The following AFG1L variants were observed in gnomAD, a reference collection of about 807,000 sequenced individuals.
AFG1L encodes the protein AFG1-like ATPase.
Under a neutral mutation model 62.2 loss-of-function variants are expected in AFG1L, and 53 were observed. The ratio of observed to expected loss-of-function variants is 0.85; its 90% CI spans 0.68 to 1.07. The LOEUF is 1.07. Ranked by LOEUF, AFG1L falls within the 50% of genes least tolerant of loss-of-function variation. AFG1L has a pLI of 0.00. For synonymous variants in AFG1L, 228 were observed against 210.3 expected (o/e 1.08, Z -0.73); for missense variants, 555 against 590.5 (o/e 0.94, Z 0.62).
chr6:108,299,783 G>GAGAAA (rs972216554), intron 1 of AFG1L, among the ~76,000 whole-genome samples: 20 of 152,010 alleles, frequency 1.3e-4, no homozygotes, highest in African/African-American at 4.3e-4. Context: ...AAAAATAGAA[G>GAGAAA]AGAAAAGAAA....
chr6:108,472,143 C>A (rs1374816183), intron 8 of AFG1L, among the ~76,000 whole-genome samples: 1 of 151,946 alleles, frequency 6.6e-6, no homozygotes, highest in Non-Finnish European at 1.5e-5. Context: ...CTAAAAAAGT[C>A]AAATACTTAG....
intron 10 of AFG1L, among the ~76,000 whole-genome samples, chr6:108,502,326 C>G (rs961870333): frequency 6.6e-6 from 1 of 152,156 alleles, no homozygotes; most frequent in African/African-American, 2.4e-5. Context: ...CTGCCTCAGC[C>G]TCCTGAGTAG....
intron 11 of AFG1L, among the ~76,000 whole-genome samples, chr6:108,516,521 T>TA (rs1182357623): frequency 6.6e-6 from 1 of 152,186 alleles, no homozygotes; most frequent in East Asian, 1.9e-4. Flanking sequence ...AAGAGCTATC[T>TA]ATGACAAACC....
At chr6:108,492,992 A>T (rs1773831131) in intron 10 of AFG1L, among the ~76,000 whole-genome samples, 1 of 152,108 alleles carries the variant, frequency 6.6e-6, no homozygotes, top group African/African-American at 2.4e-5. Context: ...GCATGTTTTT[A>T]AAAAATGTTA....
chr6:108,306,996 A>T (rs1388315427), intron 1 of AFG1L, among the ~76,000 whole-genome samples: 4 of 151,908 alleles, frequency 2.6e-5, no homozygotes, highest in African/African-American at 9.7e-5. Flanking sequence ...TTAAACATAA[A>T]TTACTTTTTT....
At chr6:108,466,744 A>T (rs1176029300) in intron 8 of AFG1L, among the ~76,000 whole-genome samples, 3 of 132,682 alleles carry the variant, frequency 2.3e-5, no homozygotes, top group Non-Finnish European at 3.3e-5. Context: ...TATATTTTTT[A>T]AAATATATTT....
intron 7 of AFG1L, among the ~76,000 whole-genome samples, chr6:108,417,612 A>G (rs954401022): frequency 2.6e-4 from 39 of 152,268 alleles, no homozygotes; most frequent in African/African-American, 7.2e-4. Context: ...TTTTTCTCCA[A>G]ATAAAAGCAA....
intron 2 of AFG1L, among the ~76,000 whole-genome samples, chr6:108,337,898 G>A (rs1347086290): frequency 1.3e-5 from 2 of 152,166 alleles, no homozygotes; most frequent in African/African-American, 4.8e-5. Flanking sequence ...ATGGTGTAAT[G>A]AAAACATTTC....
intron 2 of AFG1L, among the ~76,000 whole-genome samples, chr6:108,329,978 G>A (rs1407796445): frequency 6.6e-6 from 1 of 152,058 alleles, no homozygotes; most frequent in Non-Finnish European, 1.5e-5. Flanking sequence ...ATGGATTAAT[G>A]GATTATCATG....
chr6:108,481,476 G>T (rs899556025), intron 10 of AFG1L, among the ~76,000 whole-genome samples: 2 of 152,104 alleles, frequency 1.3e-5, no homozygotes, highest in African/African-American at 4.8e-5. Flanking sequence ...TTTCACTCTG[G>T]TAGTATTTAC....
At chr6:108,465,496 A>G (rs1254103002) in intron 8 of AFG1L, among the ~76,000 whole-genome samples, 1 of 152,162 alleles carries the variant, frequency 6.6e-6, no homozygotes, top group Non-Finnish European at 1.5e-5. Flanking sequence ...TTATGTCCCA[A>G]ATACCAGATT....
At chr6:108,369,992 T>A (rs559936595) in intron 6 of AFG1L, among the ~76,000 whole-genome samples, 1 of 123,638 alleles carries the variant, frequency 8.1e-6, no homozygotes, top group African/African-American at 2.9e-5. Flanking sequence ...ATCTATCTTT[T>A]AAAATAGAAC....
intron 6 of AFG1L, among the ~76,000 whole-genome samples, chr6:108,379,923 A>G (rs530151973): frequency 6.8e-6 from 1 of 147,022 alleles, no homozygotes; most frequent in East Asian, 2.1e-4. Flanking sequence ...GGGCCTCTCC[A>G]TACCAGACTC....
intron 2 of AFG1L, among the ~76,000 whole-genome samples, chr6:108,344,513 G>A (rs913638973): frequency 2.0e-5 from 3 of 152,112 alleles, no homozygotes; most frequent in African/African-American, 4.8e-5. Flanking sequence ...TTGAGTCCAG[G>A]AGTTCAAGGC....
rs1357624231 is a variant in AFG1L, at chr6:108,523,385, C to T, written c.*960C>T. On this transcript the variant is annotated 3_prime_UTR_variant, in exon 13 of 13. Transcript: ENST00000368977. ...GAAAGAAAGCCTGACAAGCCTGCTT[C>T]ACAGGAAATCTGATTTGTCCTTCAC... is the stretch of plus-strand genomic sequence containing the variant. 1 of 152,230 alleles carries T rather than the reference C, an allele frequency of 6.6e-6. No homozygotes were observed. Among genetic ancestry groups the T allele is most frequent in the East Asian group, 1.9e-4 (1 of 5,190 alleles). 9.4% of individuals were successfully genotyped at this position (152,230 alleles called of 1,614,324 possible).
rs141300802 is a variant in AFG1L at position 108,410,996 on chromosome 6, G to C, written c.807+8942G>C. On this transcript the variant is annotated intron_variant, in intron 7 of 12. Coordinates refer to ENST00000368977, the MANE Select transcript of AFG1L (RefSeq NM_145315.5). ...CTCACCCAGGAAGTGCAAGGGGTCAGGGAATTCCCTTTCCTAGCAAAGGGA... is the reference window on the plus strand; with the variant it reads ...CTCACCCAGGAAGTGCAAGGGGTCACGGAATTCCCTTTCCTAGCAAAGGGA... Among the ~76,000 whole-genome samples the C allele has an allele frequency of 4.4e-3, 671 of 152,284 alleles. 8 individuals carry two copies. The highest frequency in any genetic ancestry group is 0.016 in the African/African-American group (647 of 41,542).
At chr6:108,324,880 A>G (rs1777977059) in intron 2 of AFG1L, among the ~76,000 whole-genome samples, 1 of 151,998 alleles carries the variant, frequency 6.6e-6, no homozygotes, top group Admixed American at 6.6e-5. Flanking sequence ...TTTAGTAGAG[A>G]CGGGGTTTCA....
chr6:108,480,137 A>G (rs1170510160), intron 10 of AFG1L, among the ~76,000 whole-genome samples: 1 of 152,198 alleles, frequency 6.6e-6, no homozygotes, highest in Non-Finnish European at 1.5e-5. Context: ...GCAGGTTAAC[A>G]TCTAGCTTCT....
chr6:108,461,771 T>C (rs1772469694), intron 8 of AFG1L, among the ~76,000 whole-genome samples: 1 of 152,014 alleles, frequency 6.6e-6, no homozygotes, highest in African/African-American at 2.4e-5. Flanking sequence ...AGTAGACTGT[T>C]TTAAAAAATT....
Sources: gnomAD v4.1 joint callset for allele counts (sites outside exome capture counted in the v4.1 genomes callset) on GRCh38, gnomAD v4.1.1 for gene constraint, MANE v1.5 for transcripts, NCBI Gene and HGNC (gene_info 2026-07-23, HGNC 2026-07-21) for gene names.